The following LPIN2 variants were observed in gnomAD, a reference collection of about 807,000 sequenced individuals.
The protein encoded by LPIN2 is phosphatidate phosphatase LPIN2.
In LPIN2, 55 loss-of-function variants were observed where a neutral mutation model predicts 111.4. That is an observed-to-expected ratio of 0.49 (90% confidence interval 0.40 to 0.62). The LOEUF is 0.62. LPIN2 is among the 20% of genes least tolerant of loss of function. The pLI is 0.00. For missense variants in LPIN2, 992 were observed against 1,112.1 expected (o/e 0.89, Z 1.54); for synonymous variants, 425 against 414.0 (o/e 1.03, Z -0.32).
At chr18:2,958,502 T>C (rs767783792) in intron 2 of LPIN2, among the ~76,000 whole-genome samples, 62 of 152,226 alleles carry the variant, frequency 4.1e-4, no homozygotes, top group Non-Finnish European at 7.4e-4. Context: ...ATAAGACAAA[T>C]AGTTAATGCA....
At chr18:2,996,216 T>C (rs1480228081) in intron 1 of LPIN2, among the ~76,000 whole-genome samples, 1 of 151,870 alleles carries the variant, frequency 6.6e-6, no homozygotes, top group African/African-American at 2.4e-5. Context: ...GGTGCATGCC[T>C]GTAATCCCAG....
intron 1 of LPIN2, among the ~76,000 whole-genome samples, chr18:2,982,451 A>T (rs1192139757): frequency 1.3e-5 from 2 of 152,234 alleles, no homozygotes; most frequent in Non-Finnish European, 2.9e-5. Context: ...GAATAGAGAT[A>T]GCAGAAAGAT....
At chr18:2,930,202 G>A (rs183549112) in intron 9 of LPIN2, among the ~76,000 whole-genome samples, 227 of 152,214 alleles carry the variant, frequency 1.5e-3, no homozygotes, top group African/African-American at 5.2e-3. Context: ...AACTCTACTA[G>A]ACTAAGTCAC....
chr18:2,988,344 C>T (rs1207785828), intron 1 of LPIN2, among the ~76,000 whole-genome samples: 3 of 152,152 alleles, frequency 2.0e-5, no homozygotes, highest in Non-Finnish European at 4.4e-5. Context: ...TTTAGTTTCA[C>T]AATGTTTAGA....
intron 1 of LPIN2, among the ~76,000 whole-genome samples, chr18:2,980,230 C>T (rs2078087355): frequency 6.6e-6 from 1 of 152,206 alleles, no homozygotes; most frequent in East Asian, 1.9e-4. Context: ...TGTTCTAGGA[C>T]TCAGAACTCT....
intron 1 of LPIN2, among the ~76,000 whole-genome samples, chr18:2,985,700 A>C (rs2078177793): frequency 6.6e-6 from 1 of 152,186 alleles, no homozygotes; most frequent in Admixed American, 6.5e-5. Context: ...CGATTTATTT[A>C]AAACTTTCTA....
At chr18:3,002,654 A>T (rs188955995) in intron 1 of LPIN2, among the ~76,000 whole-genome samples, 1 of 152,374 alleles carries the variant, frequency 6.6e-6, no homozygotes, top group Admixed American at 6.5e-5. Flanking sequence ...CTATGAGAAT[A>T]AAGAAATTTC....
At chr18:2,972,239 G>A (rs963755543) in intron 1 of LPIN2, 4 of 152,114 alleles carry the variant, frequency 2.6e-5, no homozygotes, top group African/African-American at 9.7e-5. Flanking sequence ...CTCAGGATGG[G>A]TAAATCTAAA....
intron 17 of LPIN2, 47 bp from the exon 18 acceptor site, chr18:2,921,694 T>C (rs756659118): frequency 7.3e-7 from 1 of 1,367,578 alleles, no homozygotes; most frequent in Non-Finnish European, 1.0e-6. Context: ...AATGGTCGTT[T>C]TCCCCAGTGA....
chr18:2,921,351 C>G, intron 18 of LPIN2, 182 bp downstream of exon 18: 1 of 649,056 alleles, frequency 1.5e-6, no homozygotes, highest in Non-Finnish European at 2.8e-6. Flanking sequence ...AGATCTGCAC[C>G]TGCAGGACCT....
At chr18:2,998,666 C>T (rs2078381643) in intron 1 of LPIN2, among the ~76,000 whole-genome samples, 1 of 127,112 alleles carries the variant, frequency 7.9e-6, no homozygotes, top group Admixed American at 8.9e-5. Flanking sequence ...GAGCCCAGAA[C>T]AGGAAAATAC....
chr18:2,967,045 T>C (rs535580886), intron 1 of LPIN2: 2 of 152,338 alleles, frequency 1.3e-5, no homozygotes, highest in East Asian at 3.9e-4. Context: ...TGATTACGGT[T>C]TGCATTTGAT....
intron 4 of LPIN2, chr18:2,950,659 C>A: frequency 3.9e-6 from 1 of 259,052 alleles, no homozygotes; most frequent in Non-Finnish European, 7.5e-6. Context: ...TTTTCAATTC[C>A]AATAAAACAA....
At chr18:2,987,787 T>G (rs2143407310) in intron 1 of LPIN2, among the ~76,000 whole-genome samples, 1 of 152,174 alleles carries the variant, frequency 6.6e-6, no homozygotes, top group South Asian at 2.1e-4. Flanking sequence ...TGCTGTAATT[T>G]TAAGTGTACT....
chr18:2,995,642 T>A (rs1009026210), intron 1 of LPIN2, among the ~76,000 whole-genome samples: 1 of 152,196 alleles, frequency 6.6e-6, no homozygotes, highest in Non-Finnish European at 1.5e-5. Flanking sequence ...CAATACCACA[T>A]AGTCACAGAA....
chr18:2,954,127 G>C (rs1027983451), intron 3 of LPIN2, among the ~76,000 whole-genome samples: 17 of 152,332 alleles, frequency 1.1e-4, no homozygotes, highest in Non-Finnish European at 2.2e-4. Context: ...AAGGGCACAT[G>C]TGGATAAACA....
intron 11 of LPIN2, among the ~76,000 whole-genome samples, 162 bp from the exon 12 acceptor site, chr18:2,927,973 G>C (rs901529355): frequency 5.3e-5 from 8 of 152,254 alleles, no homozygotes; most frequent in East Asian, 1.9e-4. Context: ...ACACCTCTGA[G>C]AGACAGACCC....
chr18:2,997,581 G>C (rs2078364945), intron 1 of LPIN2, among the ~76,000 whole-genome samples: 1 of 152,136 alleles, frequency 6.6e-6, no homozygotes, highest in African/African-American at 2.4e-5. Flanking sequence ...CCCCAATTCT[G>C]ATCAAAAGGT....
chr18:2,988,388 TTTTA>T (rs1283671011), intron 1 of LPIN2, among the ~76,000 whole-genome samples: 3 of 152,268 alleles, frequency 2.0e-5, no homozygotes, highest in Admixed American at 1.3e-4. Flanking sequence ...TTATGAAGAA[TTTTA>T]TTTAATTGGT....
Sources: allele counts gnomAD v4.1 joint callset (sites outside exome capture counted in the v4.1 genomes callset), GRCh38; gene constraint gnomAD v4.1.1; transcripts MANE v1.5; gene names NCBI Gene and HGNC (gene_info 2026-07-23, HGNC 2026-07-21).